PKD1L1: variants seen among roughly 807,000 people sequenced by gnomAD.
The protein encoded by PKD1L1 is polycystin-1-like protein 1.
A neutral mutation model predicts 323.4 loss-of-function variants in PKD1L1; 236 were observed. That is an observed-to-expected ratio of 0.73 (90% CI 0.66 to 0.81). The LOEUF is 0.81. PKD1L1 is among the 40% of genes least tolerant of loss of function. PKD1L1 has a pLI of 0.00. For synonymous variants in PKD1L1, 1,344 were observed against 1,335.0 expected, an observed-to-expected ratio of 1.01 and a Z score of -0.15; for missense variants, 3,320 against 3,508.0, an observed-to-expected ratio of 0.95 and a Z score of 1.35.
intron 18 of PKD1L1, among the ~76,000 whole-genome samples, chr7:47,884,977 T>C (rs1356444724): frequency 1.3e-5 from 2 of 152,164 alleles, no homozygotes; most frequent in Admixed American, 6.5e-5. Flanking sequence ...CATCCTATCC[T>C]CTCTTCAAGC....
intron 6 of PKD1L1, 50 bp downstream of exon 6, chr7:47,931,054 G>T: frequency 1.3e-6 from 2 of 1,563,480 alleles, no homozygotes; most frequent in South Asian, 1.1e-5. Context: ...GATGGTTCCA[G>T]ACTGGGGATT....
intron 45 of PKD1L1, among the ~76,000 whole-genome samples, chr7:47,821,725 T>C (rs1476880563): frequency 6.6e-6 from 1 of 151,754 alleles, no homozygotes; most frequent in African/African-American, 2.4e-5. Context: ...TCTAGCTCTG[T>C]TACCTAGACT....
At chr7:47,871,675 T>C (rs183845442) in intron 24 of PKD1L1, among the ~76,000 whole-genome samples, 1 of 149,038 alleles carries the variant, frequency 6.7e-6, no homozygotes, top group Non-Finnish European at 1.5e-5. Context: ...AAAAAACATA[T>C]AATTGTCTCC....
intron 24 of PKD1L1, among the ~76,000 whole-genome samples, chr7:47,872,740 A>C (rs1032353546): frequency 2.0e-5 from 3 of 152,204 alleles, no homozygotes; most frequent in Non-Finnish European, 4.4e-5. Flanking sequence ...CGTTAGTGGG[A>C]ATACAAAATG....
intron 32 of PKD1L1, among the ~76,000 whole-genome samples, chr7:47,846,357 G>T (rs965533773): frequency 6.6e-6 from 1 of 152,146 alleles, no homozygotes; most frequent in Admixed American, 6.5e-5. Context: ...TTCCTGAGGA[G>T]GCTGTTCATG....
Position 47,839,636 on chromosome 7 carries a change from C to A in PKD1L1, c.5579G>T (p.Arg1860Met). The A allele has an allele frequency of 6.3e-7, 1 of 1,575,622 alleles. No individual in the cohort carries two copies. Among genetic ancestry groups the A allele is most frequent in the Non-Finnish European group, 8.6e-7 (1 of 1,160,298 alleles). Residue 1860 changes from arginine (R) to methionine (M), a missense_variant, in exon 36 of 57, where the codon AGG (arginine) becomes ATG (methionine). Physicochemically the swap from Arg to Met is moderately conservative, Grantham distance 91. Coordinates refer to ENST00000289672, the MANE Select transcript of PKD1L1 (RefSeq NM_138295.5). The surrounding 1 kb of genome is among the most constrained non-coding windows in gnomAD (Gnocchi z 4.3). ...LSAPAQLGLL[R>M]KIRLWHDSRG... ...GCTGTCGTGCCAGAGGCGGATCTTCCTCAGCAGGCCCAGTTGGGCAGGAGC... is the reference window on the plus strand; with the variant it reads ...GCTGTCGTGCCAGAGGCGGATCTTCATCAGCAGGCCCAGTTGGGCAGGAGC...
intron 15 of PKD1L1, among the ~76,000 whole-genome samples, 153 bp from the exon 16 acceptor site, chr7:47,890,916 A>G (rs1354310095): frequency 6.6e-6 from 1 of 152,142 alleles, no homozygotes; most frequent in African/African-American, 2.4e-5. Context: ...CCTGTAACTG[A>G]AGTGGGAGGT....
the PKD1L1 span, among the ~76,000 whole-genome samples, chr7:47,959,887 G>GAAC: frequency 1.3e-5 from 2 of 151,420 alleles, no homozygotes; most frequent in East Asian, 3.9e-4. Context: ...AGCTCATTGA[G>GAAC]AACGGGCCAT....
At chr7:47,792,359 C>G (rs1348808545) in intron 56 of PKD1L1, among the ~76,000 whole-genome samples, 1 of 152,004 alleles carries the variant, frequency 6.6e-6, no homozygotes, top group Non-Finnish European at 1.5e-5. Flanking sequence ...TTCTGTTTCT[C>G]AGTCTCCTTG....
At chr7:47,849,258 A>G (rs1047291270) in intron 31 of PKD1L1, among the ~76,000 whole-genome samples, 3 of 152,322 alleles carry the variant, frequency 2.0e-5, no homozygotes, top group African/African-American at 7.2e-5. Context: ...AAAAGATAAC[A>G]TCAGAAAAAC....
At chr7:47,930,514 A>G (rs1787747022) in intron 6 of PKD1L1, among the ~76,000 whole-genome samples, 1 of 144,388 alleles carries the variant, frequency 6.9e-6, no homozygotes, top group African/African-American at 2.6e-5. Flanking sequence ...CGAAAAAAAA[A>G]TAAAATAAAA....
chr7:47,819,768 C>T (rs895172927), intron 46 of PKD1L1: 4 of 318,240 alleles, frequency 1.3e-5, no homozygotes, highest in African/African-American at 9.3e-5. Context: ...TATCCATTAG[C>T]CATTATCTTG....
At chr7:47,827,565 G>A in intron 44 of PKD1L1, 97 bp from the exon 45 acceptor site, 1 of 1,012,704 alleles carries the variant, frequency 9.9e-7, no homozygotes, top group Non-Finnish European at 1.4e-6. Context: ...TCATTGCTGT[G>A]CTGTGCCTTC....
chr7:47,797,757 C>T (rs1003984765), intron 54 of PKD1L1, among the ~76,000 whole-genome samples: 2 of 152,228 alleles, frequency 1.3e-5, no homozygotes, highest in Non-Finnish European at 2.9e-5. Context: ...ATGAGTGGAA[C>T]TGCTCATCAA....
chr7:47,865,617 G>A (rs1054750638), intron 25 of PKD1L1, among the ~76,000 whole-genome samples: 9 of 77,556 alleles, frequency 1.2e-4, no homozygotes, highest in Non-Finnish European at 1.5e-4. Context: ...ACGGAGTCTC[G>A]CTTTGTCGCC....
chr7:47,896,329 CAAAAAAAAAA>C (rs34061319), intron 14 of PKD1L1, among the ~76,000 whole-genome samples: 2 of 46,876 alleles, frequency 4.3e-5, no homozygotes, highest in African/African-American at 1.6e-4. Context: ...GACCCTGTCT[CAAAAAAAAAA>C]AAAAAAAAAA....
chr7:47,885,637 C>T, intron 18 of PKD1L1, 49 bp downstream of exon 18: 1 of 1,560,470 alleles, frequency 6.4e-7, no homozygotes. Flanking sequence ...CCAAAGGTAA[C>T]TTTGGTGCCT....
At chr7:47,822,666 G>C (rs1000499948) in intron 45 of PKD1L1, among the ~76,000 whole-genome samples, 5 of 143,878 alleles carry the variant, frequency 3.5e-5, no homozygotes, top group Non-Finnish European at 7.5e-5. Context: ...AGAAAGAATA[G>C]ACTTCTGAAC....
At position 47,855,114 on chromosome 7, in the gene PKD1L1, A is replaced by T. The variant is rs150483711; in HGVS notation, c.4701+41T>A. The T allele has an allele frequency of 2.0e-4, 323 of 1,609,280 alleles. 4 individuals are homozygous for T. The East Asian group carries it at 7.1e-3, about 35-fold the overall frequency. On this transcript the variant is annotated intron_variant, in intron 29 of 56. Transcript: ENST00000289672. ...AAACACATTAAAAATCAGCCAGCACAGCCTAAATGAAGTAGAGATACTGAG... is the reference window on the plus strand; with the variant it reads ...AAACACATTAAAAATCAGCCAGCACTGCCTAAATGAAGTAGAGATACTGAG...
Sources: allele counts gnomAD v4.1 joint callset (sites outside exome capture counted in the v4.1 genomes callset), GRCh38; gene constraint gnomAD v4.1.1; non-coding constraint Gnocchi (gnomAD v3.1); transcripts MANE v1.5; gene names NCBI Gene and HGNC (gene_info 2026-07-23, HGNC 2026-07-21).